FAM186B: variants seen among roughly 807,000 people sequenced by gnomAD.
The protein encoded by FAM186B is protein FAM186B.
A neutral mutation model predicts 83.4 loss-of-function variants in FAM186B; 68 were observed. The observed-to-expected ratio is 0.81, with a 90% CI of 0.67 to 1.00. FAM186B has a LOEUF of 1.00. Among genes scored for constraint, FAM186B ranks in the 50% least tolerant of loss-of-function variants. FAM186B has a pLI of 0.00. For synonymous variants in FAM186B, 389 were observed against 422.0 expected, an observed-to-expected ratio of 0.92 and a Z score of 0.96; for missense variants, 983 against 1,099.2, an observed-to-expected ratio of 0.89 and a Z score of 1.49.
At chr12:49,606,502 CA>C (rs1940025783), upstream of FAM186B, among the ~76,000 whole-genome samples, 2 of 146,832 alleles carry the variant, frequency 1.4e-5, no homozygotes, top group African/African-American at 2.7e-5. Flanking sequence ...CACACACACA[CA>C]CACACACACA....
chr12:49,618,201 C>T, the FAM186B span, among the ~76,000 whole-genome samples: 1 of 152,010 alleles, frequency 6.6e-6, no homozygotes, highest in East Asian at 1.9e-4. Flanking sequence ...AAAAATTAGC[C>T]GGGCGTGTTG....
the FAM186B span, among the ~76,000 whole-genome samples, chr12:49,615,276 T>A: frequency 6.6e-6 from 1 of 151,860 alleles, no homozygotes; most frequent in African/African-American, 2.4e-5. Context: ...TTTTAAAAAT[T>A]AAAAAAAATT....
upstream of FAM186B, among the ~76,000 whole-genome samples, chr12:49,608,963 A>G (rs1231652474): frequency 1.3e-5 from 2 of 152,160 alleles, no homozygotes; most frequent in African/African-American, 2.4e-5. Context: ...CCAGGCATAC[A>G]AAGTTAGTCA....
chr12:49,600,932 C>G lies in FAM186B; in HGVS notation c.708G>C (p.Met236Ile). The change falls in exon 4 of 7, where the codon ATG becomes ATC. Residue 236 changes from methionine (M) to isoleucine (I), a missense_variant. Physicochemically the swap from Met to Ile is conservative, Grantham distance 10. Coordinates refer to ENST00000257894, the MANE Select transcript of FAM186B (RefSeq NM_032130.3). The surrounding 1 kb of genome is among the most constrained non-coding windows in gnomAD (Gnocchi z 4.3). ...TGTTGAGGTTCTCCACCACAGTGGCCATGTACCTGATGGCCCTGACCTCCC... is the reference window on the plus strand; with the variant it reads ...TGTTGAGGTTCTCCACCACAGTGGCGATGTACCTGATGGCCCTGACCTCCC... ...SKGEVRAIRYMATVVENLNKA... is the reference protein window; with the variant it reads ...SKGEVRAIRYIATVVENLNKA... The G allele has an allele frequency of 6.2e-7, 1 of 1,614,144 alleles. No homozygotes were observed. Among genetic ancestry groups the G allele is most frequent in the African/African-American group, 1.3e-5 (1 of 75,050 alleles).
chr12:49,609,943 A>T (rs939742435), upstream of FAM186B, among the ~76,000 whole-genome samples: 1 of 152,184 alleles, frequency 6.6e-6, no homozygotes, highest in Non-Finnish European at 1.5e-5. Flanking sequence ...GTAAACAAGG[A>T]TCAAGAATAT....
chr12:49,596,881 C>T (rs967780672), intron 5 of FAM186B, among the ~76,000 whole-genome samples: 1 of 152,192 alleles, frequency 6.6e-6, no homozygotes, highest in Non-Finnish European at 1.5e-5. Context: ...AACCGAGGTG[C>T]CCATCAGTGG....
chr12:49,587,278 C>A (rs983895106), downstream of FAM186B, among the ~76,000 whole-genome samples: 1 of 152,162 alleles, frequency 6.6e-6, no homozygotes, highest in Non-Finnish European at 1.5e-5. Flanking sequence ...ACCTGGCTCC[C>A]CTGAGAACCA....
chr12:49,619,615 G>T, the FAM186B span: 1 of 513,990 alleles, frequency 1.9e-6, no homozygotes, highest in Non-Finnish European at 3.7e-6. Context: ...CTACACCGTA[G>T]AAGAAATGCT....
downstream of FAM186B, among the ~76,000 whole-genome samples, chr12:49,585,693 GGGCTGTGCGCCAGACAGCAT>G (rs1313873018): frequency 3.9e-4 from 60 of 152,324 alleles, no homozygotes; most frequent in African/African-American, 1.4e-3. Flanking sequence ...AACCCAGATG[GGGCTGTGCGCCAGACAGCAT>G]GGCCAGGGGA....
At chr12:49,607,477 G>GA (rs944606957), upstream of FAM186B, among the ~76,000 whole-genome samples, 279 of 148,766 alleles carry the variant, frequency 1.9e-3, no homozygotes, top group Middle Eastern at 6.8e-3. Context: ...GCTCACTAAA[G>GA]AAAAAAAAAG....
intron 5 of FAM186B, among the ~76,000 whole-genome samples, chr12:49,590,100 T>G (rs1164302581): frequency 6.6e-6 from 1 of 152,032 alleles, no homozygotes; most frequent in East Asian, 1.9e-4. Flanking sequence ...CTATTTTGCA[T>G]TTATTTTAAA....
chr12:49,583,002 ACT>A (rs778621682), downstream of FAM186B: 26 of 455,366 alleles, frequency 5.7e-5, no homozygotes, highest in South Asian at 3.3e-4. Flanking sequence ...AATGTCAGAC[ACT>A]CTGCATGCTT....
Position 49,598,787 on chromosome 12 carries a change from A to T in FAM186B, c.2332T>A (p.Cys778Ser), listed in dbSNP as rs776887418. Residue 778 changes from cysteine (C) to serine (S), a missense_variant, in exon 5 of 7, where the codon TGC (cysteine) becomes AGC (serine). By Grantham distance (112) the Cys-to-Ser change is moderately radical. Coordinates refer to ENST00000257894, the MANE Select transcript of FAM186B (RefSeq NM_032130.3). ...AACATGGTCACCATGCTGCTCAGGCACTCTCGGTGCTTCTCCTCCAGCCCC... is the reference window on the plus strand; with the variant it reads ...AACATGGTCACCATGCTGCTCAGGCTCTCTCGGTGCTTCTCCTCCAGCCCC... ...QKGLEEKHRE[C>S]LSSMVTMFPK... is the part of the protein sequence containing the mutation. 1 of 1,598,790 alleles carries T rather than the reference A, an allele frequency of 6.3e-7. No individual in the cohort carries two copies. The highest frequency in any genetic ancestry group is 1.1e-5 in the South Asian group (1 of 90,186).
Position 49,599,489 on chromosome 12 carries a change from A to G in FAM186B, c.2151T>C (p.Tyr717=), listed in dbSNP as rs1939812806. The change falls in exon 4 of 7, where the codon TAT becomes TAC. Residue 717 remains tyrosine (Y), a synonymous_variant. Transcript: ENST00000257894. ...LQYLCHKYIF[Y]RRLQSLRQEA... ...CCTACCGGAGGCTCTGGAGGCGTCT[A>G]TAGAAGATGTACTTATGGCACAGGT... 1.3e-6 allele frequency: 2 copies of G among 1,550,314 alleles called. No individual in the cohort carries two copies. The highest frequency in any genetic ancestry group is 4.5e-5 in the East Asian group (2 of 44,446).
In FAM186B at chr12:49,599,776, T is replaced by C; in HGVS notation, c.1864A>G (p.Thr622Ala). ...TTGGGCTTTGTGGGAACTCGGCGGGTCCGTGGTCTGTAGGTAAACTCCACT... is the reference window on the plus strand; with the variant it reads ...TTGGGCTTTGTGGGAACTCGGCGGGCCCGTGGTCTGTAGGTAAACTCCACT... The part of the protein sequence containing the change: ...SSVEFTYRPR[T>A]RRVPTKPKKS... Residue 622 changes from threonine to alanine, a missense_variant, in exon 4 of 7, where the codon ACC becomes GCC. Physicochemically the swap from Thr to Ala is moderately conservative, Grantham distance 58 (BLOSUM62 0). Coordinates refer to ENST00000257894, the MANE Select transcript of FAM186B (RefSeq NM_032130.3). 6.2e-7 allele frequency: 1 copy of C among 1,613,810 alleles called. No homozygotes were observed. The highest frequency in any genetic ancestry group is 8.5e-7 in the Non-Finnish European group (1 of 1,179,910).
Position 49,599,576 on chromosome 12 carries a change from C to T in FAM186B, c.2064G>A (p.Leu688=), listed in dbSNP as rs1592552469. Residue 688 remains leucine (L), a synonymous_variant, in exon 4 of 7, where the codon CTG becomes CTA. Transcript: ENST00000257894. The part of the protein sequence containing the change: ...EESELRLPHY[L]RSKALELTTT... ...TGGTGAGCTCCAGTGCTTTGCTGCG[C>T]AGGTAGTGGGGCAGCCTCAACTCAG... 6.2e-7 allele frequency: 1 copy of T among 1,612,784 alleles called. No individual in the cohort carries two copies. Among genetic ancestry groups the T allele is most frequent in the South Asian group, 1.1e-5 (1 of 90,894 alleles).
In FAM186B at chr12:49,600,444, G is replaced by A. The variant is rs750071741; in HGVS notation, c.1196C>T (p.Ser399Leu). 16 of 1,613,210 alleles carry A rather than the reference G, an allele frequency of 9.9e-6. No individual in the cohort carries two copies. In the East Asian group the frequency reaches 1.1e-4, roughly 11 times the overall value. The stretch of plus-strand genomic sequence containing the variant: ...GCTGCCGAACACATCTGCGACCCTC[G>A]AGCGCACAGTCATGGTGGAAAGTGG... ...HQPLSTMTVR[S>L]RVADVFGSKD... Residue 399 changes from serine to leucine, a missense_variant, in exon 4 of 7, where the codon TCG becomes TTG. Coordinates refer to ENST00000257894, the MANE Select transcript of FAM186B (RefSeq NM_032130.3). The surrounding 1 kb of genome is among the most constrained non-coding windows in gnomAD (Gnocchi z 4.3).
chr12:49,610,152 A>C (rs373890995), upstream of FAM186B, among the ~76,000 whole-genome samples: 46 of 152,242 alleles, frequency 3.0e-4, no homozygotes, highest in African/African-American at 1.1e-3. Context: ...GAAAAAAAAA[A>C]AAAACCGATA....
downstream of FAM186B, among the ~76,000 whole-genome samples, chr12:49,586,165 A>G (rs1442615315): frequency 6.6e-6 from 1 of 152,218 alleles, no homozygotes; most frequent in African/African-American, 2.4e-5. Context: ...GTTCCCTTAG[A>G]AAGGGGAAGC....
Sources: allele counts gnomAD v4.1 joint callset (sites outside exome capture counted in the v4.1 genomes callset), GRCh38; gene constraint gnomAD v4.1.1; non-coding constraint Gnocchi (gnomAD v3.1); transcripts MANE v1.5; gene names NCBI Gene and HGNC (gene_info 2026-07-23, HGNC 2026-07-21).